Variants in PAPPA observed in about 807,000 individuals in gnomAD.
PAPPA encodes the protein pappalysin 1.
Under a neutral mutation model 164.0 loss-of-function variants are expected in PAPPA, and 60 were observed. That is an observed-to-expected ratio of 0.37 (90% CI 0.30 to 0.45). PAPPA has a LOEUF of 0.45. Among genes scored for constraint, PAPPA ranks in the 20% least tolerant of loss-of-function variants. The pLI is 1.00. For missense variants in PAPPA, 1,782 were observed against 2,087.3 expected (o/e 0.85, Z 2.85); for synonymous variants, 875 against 814.1 (o/e 1.07, Z -1.27).
At chr9:116,396,339 A>G (rs1418781238) in intron 21 of PAPPA, among the ~76,000 whole-genome samples, 170 bp from the exon 22 acceptor site, 1 of 152,192 alleles carries the variant, frequency 6.6e-6, no homozygotes, top group Non-Finnish European at 1.5e-5. Context: ...TGTGATTATG[A>G]TCATGGTGTG....
intron 1 of PAPPA, among the ~76,000 whole-genome samples, chr9:116,163,344 A>G (rs1312613659): frequency 6.6e-6 from 1 of 152,204 alleles, no homozygotes; most frequent in African/African-American, 2.4e-5. Flanking sequence ...AAGGGAGGCC[A>G]TCATCAGAGT....
In PAPPA at chr9:116,231,766, C is replaced by CTTTTTTTTTTTTTT. The variant is rs71377228; in HGVS notation, c.2234-3361_2234-3360insTTTTTTTTTTTTTT. ...GTGGTTTTTCTTTTCTTTTCTTTTT[C>CTTTTTTTTTTTTTT]TTTTTTTTTTTTGAGATGGAGTTTC... On this transcript the variant is annotated intron_variant, in intron 6 of 21. Coordinates refer to ENST00000328252, the MANE Select transcript of PAPPA (RefSeq NM_002581.5). 5.2e-5 allele frequency among the ~76,000 whole-genome samples: 3 copies of CTTTTTTTTTTTTTT among 57,540 alleles called. 1 individual carries two copies. The highest frequency in any genetic ancestry group is 1.3e-4 in the African/African-American group (2 of 14,890). The allele number at this position is 57,540 out of a possible 152,430, so 37.7% of individuals were successfully genotyped here. A position where few individuals can be genotyped will look rare whatever the true frequency, so the allele number is the denominator to read the frequency against.
chr9:116,248,281 C>G (rs1844820257), intron 7 of PAPPA, among the ~76,000 whole-genome samples: 1 of 152,218 alleles, frequency 6.6e-6, no homozygotes, highest in Non-Finnish European at 1.5e-5. Flanking sequence ...GGCCCTGGAT[C>G]AGGAGACCTG....
At chr9:116,236,958 A>C (rs1489854138) in intron 7 of PAPPA, among the ~76,000 whole-genome samples, 2 of 152,196 alleles carry the variant, frequency 1.3e-5, no homozygotes, top group Non-Finnish European at 2.9e-5. Flanking sequence ...GTTTTAATCT[A>C]CAAAAAGGAT....
intron 18 of PAPPA, among the ~76,000 whole-genome samples, chr9:116,365,551 G>T (rs1166434795): frequency 3.5e-4 from 36 of 101,496 alleles, no homozygotes; most frequent in African/African-American, 8.5e-4. Flanking sequence ...TTTGACAACC[G>T]TTTTTTTTTT....
At chr9:116,243,927 G>C (rs969304987) in intron 7 of PAPPA, among the ~76,000 whole-genome samples, 2 of 152,096 alleles carry the variant, frequency 1.3e-5, no homozygotes, top group Admixed American at 6.5e-5. Context: ...GAAGAGATGA[G>C]CAGCATCAGT....
intron 10 of PAPPA, among the ~76,000 whole-genome samples, chr9:116,306,424 C>A (rs1029359135): frequency 1.4e-4 from 21 of 152,332 alleles, no homozygotes; most frequent in African/African-American, 4.8e-4. Context: ...TCTTTTCAAA[C>A]ATGATTCCCA....
rs191398295 is a variant in PAPPA at position 116,353,835 on chromosome 9, C to T, written c.4347+42C>T. The T allele has an allele frequency of 1.9e-3, 2,800 of 1,511,174 alleles. 1 individual carries two copies. Among genetic ancestry groups the T allele is most frequent in the Middle Eastern group, 3.6e-3 (21 of 5,762 alleles). The allele number at this position is 1,511,174 out of a possible 1,614,324, so 93.6% of individuals were successfully genotyped here. A position where few individuals can be genotyped will look rare whatever the true frequency, so the allele number is the denominator to read the frequency against. Reference sequence around the variant, plus strand: ...TTGAGATTGATACCATGGTCCCTTTCCTTTCTGCTTACCAAAAACTAGCCT... The same window carrying T: ...TTGAGATTGATACCATGGTCCCTTTTCTTTCTGCTTACCAAAAACTAGCCT... On this transcript the variant is annotated intron_variant, in intron 17 of 21. Coordinates refer to ENST00000328252, the MANE Select transcript of PAPPA (RefSeq NM_002581.5).
At chr9:116,224,699 A>G (rs1844483940) in intron 5 of PAPPA, among the ~76,000 whole-genome samples, 1 of 152,244 alleles carries the variant, frequency 6.6e-6, no homozygotes, top group South Asian at 2.1e-4. Context: ...GACTGGTGTG[A>G]CTGAAGAATC....
intron 21 of PAPPA, among the ~76,000 whole-genome samples, chr9:116,393,825 TAAAG>T (rs1846926084): frequency 6.6e-6 from 1 of 151,978 alleles, no homozygotes; most frequent in Admixed American, 6.6e-5. Context: ...AACCAATAAA[TAAAG>T]AAGCCACTGA....
chr9:116,285,157 TCTTTTCTTTCTTTC>T, intron 9 of PAPPA, among the ~76,000 whole-genome samples: 2 of 126,496 alleles, frequency 1.6e-5, no homozygotes, highest in African/African-American at 5.9e-5. Flanking sequence ...TTTTTCTTTT[TCTTTTCTTTCTTTC>T]TTTTTTTTTT....
Position 116,154,650 on chromosome 9 carries a change from C to T in PAPPA, c.415+63C>T, listed in dbSNP as rs1044569945. 3.2e-5 allele frequency: 41 copies of T among 1,266,198 alleles called. No homozygotes were observed. Among genetic ancestry groups the T allele is most frequent in the Admixed American group, 8.4e-5 (2 of 23,744 alleles). The allele number at this position is 1,266,198 out of a possible 1,614,324, so 78.4% of individuals were successfully genotyped here. The stretch of plus-strand genomic sequence containing the variant: ...TGCGGCCCCAGAGGCTCGCGGGTGT[C>T]TGGGCGCGGGTGGCGGGCGGGTCGG... On this transcript the variant is annotated intron_variant, in intron 1 of 21. Coordinates refer to ENST00000328252, the MANE Select transcript of PAPPA (RefSeq NM_002581.5). The surrounding 1 kb of genome is among the most constrained non-coding windows in gnomAD (Gnocchi z 5.2).
In PAPPA at chr9:116,353,692, G is replaced by A; in HGVS notation, c.4246G>A (p.Asp1416Asn). 6.2e-7 allele frequency: 1 copy of A among 1,613,998 alleles called. No homozygotes were observed. The highest frequency in any genetic ancestry group is 8.5e-7 in the Non-Finnish European group (1 of 1,179,954). ...QEGACVPVTC[D>N]PPPPKFHGLY... is the part of the protein sequence containing the mutation. Reference sequence around the variant, plus strand: ...GGGAGCTTGTGTTCCTGTGACCTGTGACCCACCTCCACCAAAATTCCATGG... The same window carrying A: ...GGGAGCTTGTGTTCCTGTGACCTGTAACCCACCTCCACCAAAATTCCATGG... Residue 1416 changes from aspartate (D) to asparagine (N), a missense_variant, in exon 17 of 22, where the codon GAC becomes AAC. Asp to Asn is a conservative substitution (Grantham distance 23). Coordinates refer to ENST00000328252, the MANE Select transcript of PAPPA (RefSeq NM_002581.5).
intron 15 of PAPPA, among the ~76,000 whole-genome samples, chr9:116,348,316 T>C (rs1846237876): frequency 6.6e-6 from 1 of 151,602 alleles, no homozygotes; most frequent in African/African-American, 2.4e-5. Flanking sequence ...TCCTGCTGCC[T>C]TTCTCTTGAA....
chr9:116,156,253 T>C (rs1564168953), intron 1 of PAPPA, among the ~76,000 whole-genome samples: 2 of 150,130 alleles, frequency 1.3e-5, no homozygotes, highest in African/African-American at 4.9e-5. Context: ...ATTTTAACTA[T>C]GTAAGTGTGT....
chr9:116,369,246 G>C (rs1846541398), intron 19 of PAPPA, among the ~76,000 whole-genome samples: 1 of 151,884 alleles, frequency 6.6e-6, no homozygotes, highest in African/African-American at 2.4e-5. Context: ...CACCATTCCT[G>C]AACCAGAATT....
chr9:116,174,248 T>A (rs1043828193), intron 1 of PAPPA, among the ~76,000 whole-genome samples: 1 of 152,182 alleles, frequency 6.6e-6, no homozygotes, highest in African/African-American at 2.4e-5. Flanking sequence ...GCACCAGCCC[T>A]GCAAAGTGGA....
intron 15 of PAPPA, among the ~76,000 whole-genome samples, 198 bp from the exon 16 acceptor site, chr9:116,352,508 T>C (rs566231810): frequency 4.6e-5 from 7 of 152,160 alleles, no homozygotes; most frequent in African/African-American, 1.7e-4. Context: ...GGTAATTCAC[T>C]CCCCCCATTT....
chr9:116,289,538 G>A (rs1383996847), intron 9 of PAPPA, among the ~76,000 whole-genome samples: 1 of 151,556 alleles, frequency 6.6e-6, no homozygotes, highest in Non-Finnish European at 1.5e-5. Flanking sequence ...TGTATAATAA[G>A]CCTTAATCAG....
Sources: gnomAD v4.1 joint callset for allele counts (sites outside exome capture counted in the v4.1 genomes callset) on GRCh38, gnomAD v4.1.1 for gene constraint, Gnocchi (gnomAD v3.1) non-coding constraint, MANE v1.5 for transcripts, NCBI Gene and HGNC (gene_info 2026-07-23, HGNC 2026-07-21) for gene names.